NREP: variants seen among roughly 807,000 people sequenced by gnomAD.
The protein encoded by NREP is neuronal regeneration-related protein.
A neutral mutation model predicts 8.6 loss-of-function variants in NREP; 5 were observed. That is an observed-to-expected ratio of 0.58 (90% CI 0.30 to 1.22). The LOEUF is 1.22. NREP is among the 50% of genes most tolerant of loss of function. NREP has a pLI of 0.07. For synonymous variants in NREP, 27 were observed against 28.0 expected, an observed-to-expected ratio of 0.96 and a Z score of 0.11; for missense variants, 86 against 82.5, an observed-to-expected ratio of 1.04 and a Z score of -0.17.
chr5:111,930,582 G>A lies in NREP; in HGVS notation c.135+44692C>T, dbSNP rs111427002. Among the ~76,000 whole-genome samples, 148 of 152,222 alleles carry A rather than the reference G, an allele frequency of 9.7e-4. 2 individuals are homozygous for A. The highest frequency in any genetic ancestry group is 3.3e-3 in the African/African-American group (139 of 41,544). On this transcript the variant is annotated intron_variant, in intron 2 of 3. Transcript: ENST00000395634. ...TATACTCTACAAAGGAAATGATGTC[G>A]TCAGACCTATGCACATGACTTTGTG...
rs892616504 is a variant in NREP at position 111,734,852 on chromosome 5, T to C, written c.81+578A>G. ...AGTATCTACAGTAAAAACTGGTAAG[T>C]AGTTGTTATTGTTTGTTTCAGAAAT... On this transcript the variant is annotated intron_variant, in intron 3 of 3. Transcript: ENST00000257435. The C allele has an allele frequency of 3.9e-5, 19 of 482,772 alleles. 1 individual carries two copies. The highest frequency in any genetic ancestry group is 2.0e-4 in the African/African-American group (10 of 49,914). 29.9% of individuals were successfully genotyped at this position (482,772 alleles called of 1,614,324 possible).
chr5:111,805,744 G>C (rs1459484944), intron 2 of NREP, among the ~76,000 whole-genome samples: 1 of 147,650 alleles, frequency 6.8e-6, no homozygotes, highest in Non-Finnish European at 1.5e-5. Flanking sequence ...TGTTATATAT[G>C]TTTACTACAC....
intron 2 of NREP, among the ~76,000 whole-genome samples, chr5:111,823,473 T>A (rs1321117714): frequency 6.6e-6 from 1 of 152,224 alleles, no homozygotes; most frequent in Non-Finnish European, 1.5e-5. Context: ...TATATATTTA[T>A]CTTTATCAAT....
chr5:111,955,881 A>G (rs1159739766), intron 2 of NREP, among the ~76,000 whole-genome samples: 1 of 150,268 alleles, frequency 6.7e-6, no homozygotes, highest in Non-Finnish European at 1.5e-5. Context: ...GTTGGAACTA[A>G]AAATCTCATT....
At chr5:111,895,967 A>G (rs1408602578) in intron 2 of NREP, among the ~76,000 whole-genome samples, 1 of 152,212 alleles carries the variant, frequency 6.6e-6, no homozygotes, top group African/African-American at 2.4e-5. Context: ...CACATCCTGA[A>G]TGAACATCAA....
chr5:111,794,830 T>C (rs1751839494), intron 2 of NREP, among the ~76,000 whole-genome samples: 1 of 152,130 alleles, frequency 6.6e-6, no homozygotes, highest in African/African-American at 2.4e-5. Context: ...ACGATGGCCT[T>C]TTGGTGACAA....
chr5:111,745,471 T>C (rs759244845), intron 2 of NREP, among the ~76,000 whole-genome samples: 1 of 152,218 alleles, frequency 6.6e-6, no homozygotes, highest in Non-Finnish European at 1.5e-5. Flanking sequence ...ATATGTAGCA[T>C]CATTGCAGCT....
intron 2 of NREP, chr5:111,738,175 A>AAT (rs1749319394): frequency 6.6e-6 from 1 of 152,218 alleles, no homozygotes; most frequent in Non-Finnish European, 1.5e-5. Context: ...ACTGGAAACA[A>AAT]ATATGATCTA....
At chr5:111,960,444 C>G (rs542323816) in intron 2 of NREP, among the ~76,000 whole-genome samples, 1 of 151,990 alleles carries the variant, frequency 6.6e-6, no homozygotes, top group Admixed American at 6.6e-5. Context: ...AGAGGACTTG[C>G]AAAAATATGT....
intron 2 of NREP, among the ~76,000 whole-genome samples, chr5:111,831,961 G>A (rs188311747): frequency 3.3e-5 from 5 of 152,268 alleles, no homozygotes; most frequent in South Asian, 2.1e-4. Flanking sequence ...AGTGGCCCAC[G>A]TAGGCCAAGT....
rs958340566 is a variant in NREP at position 111,833,054 on chromosome 5, T to C, written c.136-97547A>G. ...AATTACTTCCCCAGGACTGTACTACTTGTGCAGAAGTCAGAAATGGACTTG... is the reference window on the plus strand; with the variant it reads ...AATTACTTCCCCAGGACTGTACTACCTGTGCAGAAGTCAGAAATGGACTTG... On this transcript the variant is annotated intron_variant, in intron 2 of 3. Transcript: ENST00000395634. 2.6e-5 allele frequency among the ~76,000 whole-genome samples: 4 copies of C among 152,208 alleles called. No homozygotes were observed. In the South Asian group the frequency reaches 8.3e-4, roughly 32 times the overall value.
intron 2 of NREP, among the ~76,000 whole-genome samples, chr5:111,888,347 G>GGT (rs1754313243): frequency 2.0e-5 from 3 of 151,738 alleles, no homozygotes; most frequent in African/African-American, 7.2e-5. Flanking sequence ...GGTGGCGGGG[G>GGT]GGGTCTCAGG....
At chr5:111,756,312 A>AAAACCC in intron 1 of NREP, 1 of 99,468 alleles carries the variant, frequency 1.0e-5, no homozygotes, top group Non-Finnish European at 1.6e-5. Context: ...AAAAAAAAAA[A>AAAACCC]CCCTACACGG....
At chr5:111,826,970 A>G (rs1752643351) in intron 2 of NREP, among the ~76,000 whole-genome samples, 1 of 152,268 alleles carries the variant, frequency 6.6e-6, no homozygotes, top group Non-Finnish European at 1.5e-5. Context: ...TTGCCTTATT[A>G]CAAATAATAT....
chr5:111,874,797 G>C (rs550036693), intron 2 of NREP, among the ~76,000 whole-genome samples: 3 of 152,212 alleles, frequency 2.0e-5, no homozygotes, highest in African/African-American at 7.2e-5. Flanking sequence ...GTGCTTCAAA[G>C]ACTGCTCTCT....
chr5:111,832,629 C>A (rs1184975004), intron 2 of NREP, among the ~76,000 whole-genome samples: 1 of 152,134 alleles, frequency 6.6e-6, no homozygotes, highest in East Asian at 1.9e-4. Flanking sequence ...CTTTAAATAA[C>A]TTCTGTGTCT....
chr5:111,929,766 T>G (rs1481736490), intron 2 of NREP, among the ~76,000 whole-genome samples: 2 of 152,194 alleles, frequency 1.3e-5, no homozygotes, highest in Non-Finnish European at 2.9e-5. Context: ...ATCCTTTACT[T>G]GCTCTCTGAA....
chr5:111,862,819 A>G (rs915204051), intron 2 of NREP, among the ~76,000 whole-genome samples: 1 of 151,654 alleles, frequency 6.6e-6, no homozygotes, highest in Non-Finnish European at 1.5e-5. Flanking sequence ...ATAGCAGAAG[A>G]AAAAGTCAGG....
chr5:111,740,531 A>G (rs1581051281), intron 2 of NREP, among the ~76,000 whole-genome samples: 1 of 152,104 alleles, frequency 6.6e-6, no homozygotes, highest in East Asian at 1.9e-4. Flanking sequence ...CTGCATTTTT[A>G]AAGTCTATAA....
Sources: gnomAD v4.1 joint callset for allele counts (sites outside exome capture counted in the v4.1 genomes callset) on GRCh38, gnomAD v4.1.1 for gene constraint, MANE v1.5 for transcripts, NCBI Gene and HGNC (gene_info 2026-07-23, HGNC 2026-07-21) for gene names.